Variants in BCL7C observed in about 807,000 individuals in gnomAD.
BCL7C encodes B-cell CLL/lymphoma 7 protein family member C.
BCL7C carries 8 observed loss-of-function variants against 26.2 expected under a neutral mutation model. The observed-to-expected ratio is 0.30, with a 90% CI of 0.18 to 0.55. The LOEUF (loss-of-function observed/expected upper bound fraction) is 0.55. Among genes scored for constraint, BCL7C ranks in the 20% least tolerant of loss-of-function variants. BCL7C has a pLI of 0.93. For missense variants in BCL7C, 262 were observed against 298.5 expected, an observed-to-expected ratio of 0.88 and a Z score of 0.90; for synonymous variants, 90 against 116.5, an observed-to-expected ratio of 0.77 and a Z score of 1.47.
chr16:30,864,725 C>T (rs1021086917), intron 5 of BCL7C, among the ~76,000 whole-genome samples: 4 of 152,188 alleles, frequency 2.6e-5, no homozygotes, highest in Non-Finnish European at 5.9e-5. Context: ...CGTATACATC[C>T]AGATGGCCTG....
At chr16:30,850,028 T>C (rs1046476257) in intron 5 of BCL7C, among the ~76,000 whole-genome samples, 5 of 151,174 alleles carry the variant, frequency 3.3e-5, no homozygotes, top group Non-Finnish European at 5.9e-5. Context: ...GCTAACACAG[T>C]GAAACCCCAT....
At chr16:30,885,422 T>A (rs2055117508), downstream of BCL7C, among the ~76,000 whole-genome samples, 1 of 151,862 alleles carries the variant, frequency 6.6e-6, no homozygotes, top group Non-Finnish European at 1.5e-5. Flanking sequence ...TCTTTTTTTT[T>A]TTTTTGAGAT....
chr16:30,850,026 A>G (rs1009653774), intron 5 of BCL7C, among the ~76,000 whole-genome samples: 44 of 151,700 alleles, frequency 2.9e-4, no homozygotes, highest in East Asian at 1.9e-4. Flanking sequence ...TGGCTAACAC[A>G]GTGAAACCCC....
downstream of BCL7C, among the ~76,000 whole-genome samples, chr16:30,886,248 A>G (rs1382908242): frequency 1.3e-5 from 2 of 152,212 alleles, no homozygotes; most frequent in African/African-American, 4.8e-5. Context: ...CTATAGGCAC[A>G]GAGTGAGAGG....
At chr16:30,876,515 A>G (rs1259698157) in intron 5 of BCL7C, among the ~76,000 whole-genome samples, 1 of 152,216 alleles carries the variant, frequency 6.6e-6, no homozygotes, top group Non-Finnish European at 1.5e-5. Context: ...ACTGTATGCC[A>G]GGCACCACAC....
At chr16:30,835,128 C>T in exon 6 of BCL7C, 1 of 1,522,234 alleles carries the variant, frequency 6.6e-7, no homozygotes. Context: ...GGGCTCTCCT[C>T]GTCATTCTCA....
intron 5 of BCL7C, among the ~76,000 whole-genome samples, chr16:30,863,555 T>C (rs2054796065): frequency 6.6e-6 from 1 of 152,164 alleles, no homozygotes; most frequent in Admixed American, 6.5e-5. Flanking sequence ...TCAGATCCCA[T>C]TGCTCAGGGC....
chr16:30,886,993 C>T (rs768244125), downstream of BCL7C, among the ~76,000 whole-genome samples: 15 of 151,990 alleles, frequency 9.9e-5, no homozygotes, highest in Middle Eastern at 3.4e-3. Context: ...GGCAATGTAG[C>T]GAGACCCCAT....
chr16:30,881,886 T>C (rs1206256504), intron 5 of BCL7C, among the ~76,000 whole-genome samples: 1 of 151,950 alleles, frequency 6.6e-6, no homozygotes, highest in African/African-American at 2.4e-5. Flanking sequence ...GCTTGCTTTT[T>C]CCAGCGCACT....
At chr16:30,877,385 CAGCCTCCCA>C (rs2054965584) in intron 5 of BCL7C, among the ~76,000 whole-genome samples, 3 of 152,200 alleles carry the variant, frequency 2.0e-5, no homozygotes, top group African/African-American at 7.2e-5. Flanking sequence ...CCTCCTGCCT[CAGCCTCCCA>C]AAGTGCTGGG....
chr16:30,865,727 CTTTTTTTT>C (rs11333293), intron 5 of BCL7C, among the ~76,000 whole-genome samples: 5 of 66,722 alleles, frequency 7.5e-5, no homozygotes, highest in African/African-American at 1.2e-4. Flanking sequence ...CTTTTTTTTT[CTTTTTTTT>C]TTTTTTTTTG....
In BCL7C at chr16:30,887,850, A is replaced by G; in HGVS notation, c.*15T>C. 6.4e-7 allele frequency: 1 copy of G among 1,562,944 alleles called. No homozygotes were observed. Among genetic ancestry groups the G allele is most frequent in the Admixed American group, 2.1e-5 (1 of 48,034 alleles). ...AAAGGGGCCCCTGGGGCAACAGGAC[A>G]GGCAGGCCGGCTTCTCAGGGGTCAG... is the stretch of plus-strand genomic sequence containing the variant. On this transcript the variant is annotated 3_prime_UTR_variant, in exon 6 of 6. Transcript: ENST00000215115.
intron 5 of BCL7C, among the ~76,000 whole-genome samples, chr16:30,847,296 A>G (rs2054642000): frequency 2.6e-5 from 4 of 152,342 alleles, no homozygotes; most frequent in Admixed American, 2.6e-4. Flanking sequence ...TTGGACCCAG[A>G]TGAAGCCAAC....
exon 6 of BCL7C, chr16:30,833,833 G>A (rs944696187): frequency 1.3e-5 from 2 of 152,190 alleles, no homozygotes; most frequent in Non-Finnish European, 2.9e-5. Context: ...AGAGAAAAAT[G>A]AATGCTCTCC....
chr16:30,849,597 TCCTGCCA>T (rs1374575947), intron 5 of BCL7C, among the ~76,000 whole-genome samples: 1 of 151,930 alleles, frequency 6.6e-6, no homozygotes, highest in African/African-American at 2.4e-5. Flanking sequence ...GATTACAGGC[TCCTGCCA>T]CCTGCCTGGC....
chr16:30,893,711 C>A lies in BCL7C; in HGVS notation c.92+142G>T. The A allele has an allele frequency of 1.4e-6, 1 of 705,568 alleles. No individual in the cohort carries two copies. The allele number at this position is 705,568 out of a possible 1,614,324, so 43.7% of individuals were successfully genotyped here. On this transcript the variant is annotated intron_variant, in intron 1 of 5. Transcript: ENST00000215115. The surrounding 1 kb of genome is among the most constrained non-coding windows in gnomAD (Gnocchi z 5.2). The stretch of plus-strand genomic sequence containing the variant: ...CCAGGAGTAGCCAGGCGAACGGGGA[C>A]AGAGCCCTGTGGATCCAGGGCAAAG...
At chr16:30,888,533 C>T (rs2055172686) in intron 5 of BCL7C, among the ~76,000 whole-genome samples, 1 of 151,662 alleles carries the variant, frequency 6.6e-6, no homozygotes, top group African/African-American at 2.4e-5. Context: ...GACGGGGTTT[C>T]ACCGTGTTAG....
intron 4 of BCL7C, among the ~76,000 whole-genome samples, chr16:30,890,017 C>G (rs558953335): frequency 6.6e-6 from 1 of 151,226 alleles, no homozygotes; most frequent in Non-Finnish European, 1.5e-5. Flanking sequence ...CCAGCTGGAA[C>G]CAAAAACGGG....
intron 5 of BCL7C, among the ~76,000 whole-genome samples, chr16:30,858,363 C>A (rs960923363): frequency 4.6e-5 from 7 of 152,160 alleles, no homozygotes; most frequent in Non-Finnish European, 1.0e-4. Flanking sequence ...CCGAAGTGAC[C>A]TATGGCCACT....
Sources: gnomAD v4.1 joint callset for allele counts (sites outside exome capture counted in the v4.1 genomes callset) on GRCh38, gnomAD v4.1.1 for gene constraint, Gnocchi (gnomAD v3.1) non-coding constraint, MANE v1.5 for transcripts, NCBI Gene and HGNC (gene_info 2026-07-23, HGNC 2026-07-21) for gene names.